The following RPGRIP1 variants were observed in gnomAD, a reference collection of about 807,000 sequenced individuals.
RPGRIP1 encodes the protein RPGR interacting protein 1.
A neutral mutation model predicts 157.9 loss-of-function variants in RPGRIP1; 128 were observed. The ratio of observed to expected loss-of-function variants is 0.81; its 90% CI spans 0.70 to 0.94. RPGRIP1 has a LOEUF of 0.94. RPGRIP1 is among the 40% of genes least tolerant of loss of function. RPGRIP1 has a pLI of 0.00. For missense variants in RPGRIP1, 1,486 were observed against 1,545.8 expected (o/e 0.96, Z 0.65); for synonymous variants, 554 against 571.6 (o/e 0.97, Z 0.44).
At chr14:21,335,069 A>T (rs1342572473) in intron 21 of RPGRIP1, among the ~76,000 whole-genome samples, 1 of 151,216 alleles carries the variant, frequency 6.6e-6, no homozygotes, top group East Asian at 1.9e-4. Context: ...AAAAAAAAAA[A>T]AAGCAATAAT....
At chr14:21,330,411 T>G (rs377091109) in intron 20 of RPGRIP1, 24 bp downstream of exon 20, 2 of 1,448,180 alleles carry the variant, frequency 1.4e-6, no homozygotes, top group East Asian at 2.7e-5. Flanking sequence ...AAATCTATTT[T>G]TTTTCCTAGC....
chr14:21,301,056 CG>C lies in RPGRIP1; in HGVS notation c.312del (p.Gln105ArgfsTer65). 6.2e-7 allele frequency: 1 copy of C among 1,612,692 alleles called. No individual in the cohort carries two copies. The highest frequency in any genetic ancestry group is 8.5e-7 in the Non-Finnish European group (1 of 1,179,462). On this transcript the variant is annotated frameshift_variant, in exon 4 of 25. Coordinates refer to ENST00000400017, the MANE Select transcript of RPGRIP1 (RefSeq NM_020366.4). LOFTEE classifies it high-confidence loss of function. ...CGCCGCTCTCGGAGACCGCAAGGCG[CG>C]GGCAGAAGGCGGGATGGCGGCAGCG... ...AAPLSETARR[G>X]QKAGWRQRLS...
At chr14:21,331,315 G>T (rs945688691) in intron 20 of RPGRIP1, among the ~76,000 whole-genome samples, 5 of 150,768 alleles carry the variant, frequency 3.3e-5, no homozygotes, top group African/African-American at 1.2e-4. Flanking sequence ...CTGAGGTCGG[G>T]AGTTTGAGAC....
Position 21,317,730 on chromosome 14 carries a change from C to A in RPGRIP1, c.1186C>A (p.His396Asn). 1 of 1,589,084 alleles carries A rather than the reference C, an allele frequency of 6.3e-7. No individual in the cohort carries two copies. Residue 396 changes from histidine (H) to asparagine (N), a missense_variant, in exon 11 of 25, where the codon CAC (histidine) becomes AAC (asparagine). Physicochemically the swap from His to Asn is moderately conservative, Grantham distance 68 (BLOSUM62 1). Transcript: ENST00000400017. ...LDSSDSSSQP[H>N]WSNELIAEQL... The stretch of plus-strand genomic sequence containing the variant: ...CAGCAGTGACAGCTCCAGTCAGCCC[C>A]ACTGGAGCAACGAGCTCATAGCGGA...
chr14:21,337,463 A>G (rs1461564681), intron 21 of RPGRIP1, among the ~76,000 whole-genome samples: 1 of 132,352 alleles, frequency 7.6e-6, no homozygotes, highest in Non-Finnish European at 1.6e-5. Context: ...TTTGAGATAG[A>G]GTCTTGTTCT....
At chr14:21,331,072 G>A (rs570453376) in intron 20 of RPGRIP1, among the ~76,000 whole-genome samples, 1 of 151,802 alleles carries the variant, frequency 6.6e-6, no homozygotes, top group Admixed American at 6.6e-5. Flanking sequence ...ACCATCCCCG[G>A]CTAATTTTGT....
intron 19 of RPGRIP1, 70 bp downstream of exon 19, chr14:21,328,697 G>T: frequency 8.8e-7 from 1 of 1,133,714 alleles, no homozygotes; most frequent in Non-Finnish European, 1.3e-6. Context: ...ATTCTCAGAG[G>T]TAGAAGCAGA....
At chr14:21,308,002 C>T (rs117538734) in intron 7 of RPGRIP1, among the ~76,000 whole-genome samples, 166 bp downstream of exon 7, 4,425 of 152,270 alleles carry the variant, frequency 0.029, 97 homozygotes, top group Non-Finnish European at 0.043. Context: ...CCTCACAACT[C>T]GGAGTCTATG....
Position 21,328,634 on chromosome 14 carries a change from C to G in RPGRIP1, c.3099+7C>G. On this transcript the variant is annotated splice_region_variant and intron_variant, in intron 19 of 24. Coordinates refer to ENST00000400017, the MANE Select transcript of RPGRIP1 (RefSeq NM_020366.4). ...AAATGGAAATACACCAGAGGTAAGA[C>G]CTTAAAAACTCTGAAGCACTAAATT... The G allele has an allele frequency of 6.3e-7, 1 of 1,593,662 alleles. No homozygotes were observed. The highest frequency in any genetic ancestry group is 8.6e-7 in the Non-Finnish European group (1 of 1,162,086).
rs1394319617 is a variant in RPGRIP1, at chr14:21,310,593, A to C, written c.916A>C (p.Thr306Pro). The C allele has an allele frequency of 1.4e-6, 2 of 1,450,976 alleles. No homozygotes were observed. The highest frequency in any genetic ancestry group is 1.9e-6 in the Non-Finnish European group (2 of 1,071,248). 89.9% of individuals were successfully genotyped at this position (1,450,976 alleles called of 1,614,324 possible). Residue 306 changes from threonine (T) to proline (P), a missense_variant, in exon 8 of 25, where the codon ACC (threonine) becomes CCC (proline). Transcript: ENST00000400017. ...QLTEVQEAYETLLQKNQGILS... is the reference protein window; with the variant it reads ...QLTEVQEAYEPLLQKNQGILS... ...AATTTCTTTCTTCCAGGCATACGAA[A>C]CCTTGCTCCAGAAGGTACTTAATGA...
intron 21 of RPGRIP1, among the ~76,000 whole-genome samples, chr14:21,338,980 A>G (rs1313279084): frequency 6.6e-6 from 1 of 152,040 alleles, no homozygotes; most frequent in Non-Finnish European, 1.5e-5. Context: ...CTACAAAAAT[A>G]CAAAAATTAG....
chr14:21,301,197 C>A lies in RPGRIP1; in HGVS notation c.450C>A (p.Leu150=). The A allele has an allele frequency of 6.3e-7, 1 of 1,594,706 alleles. No individual in the cohort carries two copies. Among genetic ancestry groups the A allele is most frequent in the East Asian group, 2.3e-5 (1 of 43,828 alleles). Residue 150 remains leucine, a synonymous_variant, in exon 4 of 25, where the codon CTC becomes CTA. Coordinates refer to ENST00000400017, the MANE Select transcript of RPGRIP1 (RefSeq NM_020366.4). ...QPRVQVGHRQ[L]HTAGAPVPEK... is the part of the protein sequence containing the mutation. The stretch of plus-strand genomic sequence containing the variant: ...GCGTCCAAGTGGGACACAGACAGCT[C>A]CACACAGCCGGTGCACCGGTGCCGG...
chr14:21,325,293 A>G lies in RPGRIP1; in HGVS notation c.2277A>G (p.Lys759=). ...GGATGAGGCTGCGTTTCCCCATAAA[A>G]CCCAGCCTACAGGCGTGCAATAAAC... ...EYWMRLRFPI[K]PSLQACNKRK... The change falls in exon 16 of 25, where the codon AAA becomes AAG. Residue 759 remains lysine, a synonymous_variant. Transcript: ENST00000400017. 3 of 1,612,754 alleles carry G rather than the reference A, an allele frequency of 1.9e-6. No homozygotes were observed. Among genetic ancestry groups the G allele is most frequent in the Non-Finnish European group, 2.5e-6 (3 of 1,179,418 alleles).
chr14:21,343,108 A>G lies in RPGRIP1; in HGVS notation c.3412A>G (p.Asn1138Asp). The G allele has an allele frequency of 6.2e-7, 1 of 1,613,496 alleles. No individual in the cohort carries two copies. Among genetic ancestry groups the G allele is most frequent in the South Asian group, 1.1e-5 (1 of 91,064 alleles). Residue 1138 changes from asparagine (N) to aspartate (D), a missense_variant, in exon 22 of 25, where the codon AAC (asparagine) becomes GAC (aspartate). By Grantham distance (23) the Asn-to-Asp change is conservative (BLOSUM62 1). Coordinates refer to ENST00000400017, the MANE Select transcript of RPGRIP1 (RefSeq NM_020366.4). ...YPEAEVMSDE[N>D]IKQVYVEYKF... is the part of the protein sequence containing the mutation. ...AGAGGCAGAAGTGATGTCTGATGAG[A>G]ACATAAAACAGGTGTATGTGGAGTA... is the stretch of plus-strand genomic sequence containing the variant.
At chr14:21,327,153 A>C (rs893016207) in intron 17 of RPGRIP1, among the ~76,000 whole-genome samples, 6 of 152,222 alleles carry the variant, frequency 3.9e-5, no homozygotes, top group African/African-American at 1.4e-4. Context: ...TCCTTTGCCA[A>C]ACAGGGGAGG....
At chr14:21,287,826 C>T in intron 1 of RPGRIP1, 113 bp from the exon 2 acceptor site, 1 of 555,614 alleles carries the variant, frequency 1.8e-6, no homozygotes. Flanking sequence ...ATGACTCTGA[C>T]ATGTCATATA....
In RPGRIP1 at chr14:21,343,866, G is replaced by GTTTTTTTTTTTTTTT. The variant is rs67535379; in HGVS notation, c.3532+665_3532+679dup. Among the ~76,000 whole-genome samples the GTTTTTTTTTTTTTTT allele has an allele frequency of 1.6e-4, 8 of 50,438 alleles. 1 individual carries two copies. The highest frequency in any genetic ancestry group is 2.5e-4 in the Non-Finnish European group (7 of 27,770). The allele number at this position is 50,438 out of a possible 152,430, so 33.1% of individuals were successfully genotyped here. On this transcript the variant is annotated intron_variant, in intron 22 of 24. Transcript: ENST00000400017. ...TGATTTTTGTTCTTCCTCTTTTCCT[G>GTTTTTTTTTTTTTTT]TTTTTTTTTTTTTTTTTTTTTTTTT...
At chr14:21,309,839 A>T (rs1323794846) in intron 7 of RPGRIP1, among the ~76,000 whole-genome samples, 1 of 151,604 alleles carries the variant, frequency 6.6e-6, no homozygotes, top group Non-Finnish European at 1.5e-5. Context: ...AAATTTAAAA[A>T]AAAAGTTTGG....
In RPGRIP1 at chr14:21,341,749, T is replaced by C. The variant is rs143455540; in HGVS notation, c.3340-1287T>C. Among the ~76,000 whole-genome samples, 408 of 151,886 alleles carry C rather than the reference T, an allele frequency of 2.7e-3. 1 individual carries two copies. The highest frequency in any genetic ancestry group is 9.6e-3 in the African/African-American group (396 of 41,408). Reference sequence around the variant, plus strand: ...CAGGGTGATGGCAGCGACTGTGAAGTGGGATTGAAAATATTGGAGTTCCTG... The same window carrying C: ...CAGGGTGATGGCAGCGACTGTGAAGCGGGATTGAAAATATTGGAGTTCCTG... On this transcript the variant is annotated intron_variant, in intron 21 of 24. Coordinates refer to ENST00000400017, the MANE Select transcript of RPGRIP1 (RefSeq NM_020366.4).
Sources: gnomAD v4.1 joint callset for allele counts (sites outside exome capture counted in the v4.1 genomes callset) on GRCh38, gnomAD v4.1.1 for gene constraint, MANE v1.5 for transcripts, NCBI Gene and HGNC (gene_info 2026-07-23, HGNC 2026-07-21) for gene names.